Variants in STEAP1 observed in about 807,000 individuals in gnomAD.
STEAP1 encodes the protein STEAP1 protein.
A neutral mutation model predicts 34.4 loss-of-function variants in STEAP1; 30 were observed. That is an observed-to-expected ratio of 0.87 (90% CI 0.65 to 1.18). The LOEUF (loss-of-function observed/expected upper bound fraction) is 1.18. Ranked by LOEUF, STEAP1 falls within the 50% of genes most tolerant of loss-of-function variation. The pLI, the probability that STEAP1 is intolerant of heterozygous loss-of-function variation, is 0.00. For missense variants in STEAP1, 318 were observed against 391.1 expected, an observed-to-expected ratio of 0.81 and a Z score of 1.58; for synonymous variants, 116 against 135.3, an observed-to-expected ratio of 0.86 and a Z score of 0.99.
intron 1 of STEAP1, among the ~76,000 whole-genome samples, chr7:90,156,027 C>T (rs1468640892): frequency 6.6e-6 from 1 of 152,194 alleles, no homozygotes; most frequent in Non-Finnish European, 1.5e-5. Flanking sequence ...TCTCCTAGAC[C>T]TCAAGGTTTT....
At chr7:90,162,304 TTTTTTTTGTTTGTTTG>T in intron 4 of STEAP1, 4 of 677,112 alleles carry the variant, frequency 5.9e-6, no homozygotes, top group Non-Finnish European at 6.2e-6. Flanking sequence ...TCTTTGTTTT[TTTTTTTTGTTTGTTTG>T]TTTTTTGTTT....
intron 3 of STEAP1, 51 bp downstream of exon 3, chr7:90,161,368 A>G: frequency 6.5e-7 from 1 of 1,537,830 alleles, no homozygotes; most frequent in African/African-American, 1.4e-5. Flanking sequence ...AAGTCACCTA[A>G]CAAATTAATC....
At position 90,162,074 on chromosome 7, in the gene STEAP1, T is replaced by C. The variant is rs756673217; in HGVS notation, c.758T>C (p.Ile253Thr). 8 of 1,599,544 alleles carry C rather than the reference T, an allele frequency of 5.0e-6. No homozygotes were observed. The East Asian group carries it at 1.1e-4, about 22-fold the overall frequency. Residue 253 changes from isoleucine to threonine, a missense_variant, in exon 4 of 5, where the codon ATT (isoleucine) becomes ACT (threonine). Physicochemically the swap from Ile to Thr is moderately conservative, Grantham distance 89. Transcript: ENST00000297205. ...DSLTWREFHY[I>T]QSKLGIVSLL... ...TTGACATGGAGAGAATTTCACTATA[T>C]TCAGGTAAATAATATATAAAATAAC...
At chr7:90,154,689 C>G (rs1205796221) in intron 1 of STEAP1, 146 bp downstream of exon 1, 1 of 152,386 alleles carries the variant, frequency 6.6e-6, no homozygotes, top group African/African-American at 2.4e-5. Flanking sequence ...CCCTCCTGGG[C>G]GAGCGCTGCT....
At chr7:90,164,349 G>A in intron 4 of STEAP1, 128 bp from the exon 5 acceptor site, 1 of 1,155,860 alleles carries the variant, frequency 8.7e-7, no homozygotes, top group Non-Finnish European at 1.2e-6. Context: ...AATGGACATT[G>A]TTGAGAAATG....
chr7:90,158,606 G>A (rs1262475441), intron 1 of STEAP1, among the ~76,000 whole-genome samples: 2 of 152,146 alleles, frequency 1.3e-5, no homozygotes, highest in Non-Finnish European at 2.9e-5. Context: ...GCATGGAGCT[G>A]CCATCTTCTA....
At chr7:90,155,267 A>G (rs541421422) in intron 1 of STEAP1, among the ~76,000 whole-genome samples, 160 of 152,346 alleles carry the variant, frequency 1.1e-3, no homozygotes, top group African/African-American at 3.5e-3. Context: ...GTGAAAAAAA[A>G]AAACAAAAAA....
At chr7:90,156,361 G>A (rs1317175955) in intron 1 of STEAP1, among the ~76,000 whole-genome samples, 1 of 152,132 alleles carries the variant, frequency 6.6e-6, no homozygotes, top group East Asian at 1.9e-4. Flanking sequence ...GGGTCTGGTG[G>A]GAGGTGATTG....
Position 90,159,845 on chromosome 7 carries a change from G to T in STEAP1, c.57G>T (p.Arg19Ser). The T allele has an allele frequency of 6.4e-7, 1 of 1,557,620 alleles. No individual in the cohort carries two copies. The highest frequency in any genetic ancestry group is 8.7e-7 in the Non-Finnish European group (1 of 1,154,112). ...NQEELWKMKP[R>S]RNLEEDDYLH... ...AAGAACTTTGGAAAATGAAGCCTAG[G>T]AGAAATTTAGAAGAAGACGATTATT... Residue 19 changes from arginine to serine, a missense_variant, in exon 2 of 5, where the codon AGG becomes AGT. Coordinates refer to ENST00000297205, the MANE Select transcript of STEAP1 (RefSeq NM_012449.3).
At position 90,161,016 on chromosome 7, in the gene STEAP1, C is replaced by G; in HGVS notation, c.296C>G (p.Ala99Gly). The G allele has an allele frequency of 1.2e-5, 19 of 1,613,988 alleles. No homozygotes were observed. The highest frequency in any genetic ancestry group is 1.4e-5 in the Non-Finnish European group (17 of 1,179,858). ...CTGAGGGAAGTAATTCACCCTTTAG[C>G]AACTTCCCATCAACAATATTTTTAT... ...TLLREVIHPL[A>G]TSHQQYFYKI... is the part of the protein sequence containing the mutation. The change falls in exon 3 of 5, where the codon GCA (alanine) becomes GGA (glycine). Residue 99 changes from alanine to glycine, a missense_variant. Coordinates refer to ENST00000297205, the MANE Select transcript of STEAP1 (RefSeq NM_012449.3).
At chr7:90,156,287 T>A (rs1207750397) in intron 1 of STEAP1, among the ~76,000 whole-genome samples, 1 of 152,118 alleles carries the variant, frequency 6.6e-6, no homozygotes, top group Non-Finnish European at 1.5e-5. Context: ...GTTGGTGATA[T>A]GGTTTGGAGC....
chr7:90,154,779 G>A (rs539789213), intron 1 of STEAP1, among the ~76,000 whole-genome samples: 1 of 152,360 alleles, frequency 6.6e-6, no homozygotes, highest in Non-Finnish European at 1.5e-5. Context: ...GGGTTGGGGA[G>A]AGCCAGGGAC....
At chr7:90,160,527 T>C (rs1794168732) in intron 2 of STEAP1, among the ~76,000 whole-genome samples, 1 of 150,524 alleles carries the variant, frequency 6.6e-6, no homozygotes, top group Admixed American at 6.6e-5. Flanking sequence ...ATTACAAGCA[T>C]ATACTTTATA....
chr7:90,156,400 A>G (rs1262793738), intron 1 of STEAP1, among the ~76,000 whole-genome samples: 1 of 152,112 alleles, frequency 6.6e-6, no homozygotes, highest in Non-Finnish European at 1.5e-5. Context: ...TCATGGTTTA[A>G]CACCATCCCC....
intron 4 of STEAP1, 46 bp from the exon 5 acceptor site, chr7:90,164,431 A>C (rs1423346806): frequency 1.3e-6 from 2 of 1,555,688 alleles, no homozygotes; most frequent in Non-Finnish European, 1.7e-6. Context: ...GGATGGGATA[A>C]ACTCTTATTG....
chr7:90,164,712 C>T lies in STEAP1; in HGVS notation c.998C>T (p.Thr333Ile), dbSNP rs755317037. The change falls in exon 5 of 5, where the codon ACT becomes ATT. Residue 333 changes from threonine to isoleucine, a missense_variant. Thr to Ile is a moderately conservative substitution (Grantham distance 89). Transcript: ENST00000297205. Reference sequence around the variant, plus strand: ...GAAGACGTCACCAAAATTAACAAAACTGAGATATGTTCCCAGTTGTAGAAT... The same window carrying T: ...GAAGACGTCACCAAAATTAACAAAATTGAGATATGTTCCCAGTTGTAGAAT... Reference protein sequence around the residue: ...GWEDVTKINKTEICSQL With the variant: ...GWEDVTKINKIEICSQL 1 of 1,612,536 alleles carries T rather than the reference C, an allele frequency of 6.2e-7. No homozygotes were observed.
Position 90,164,674 on chromosome 7 carries a change from T to C in STEAP1, c.960T>C (p.Ile320=). The change falls in exon 5 of 5, where the codon ATT becomes ATC. Residue 320 remains isoleucine (I), a synonymous_variant. Coordinates refer to ENST00000297205, the MANE Select transcript of STEAP1 (RefSeq NM_012449.3). ...LPCLRKKILK[I]RHGWEDVTKI... ...GCTTGAGGAAGAAGATACTGAAGATTAGACATGGTTGGGAAGACGTCACCA... is the reference window on the plus strand; with the variant it reads ...GCTTGAGGAAGAAGATACTGAAGATCAGACATGGTTGGGAAGACGTCACCA... The C allele has an allele frequency of 1.2e-6, 2 of 1,613,634 alleles. No homozygotes were observed. The highest frequency in any genetic ancestry group is 1.7e-6 in the Non-Finnish European group (2 of 1,179,784).
chr7:90,161,408 C>G, intron 3 of STEAP1, 91 bp downstream of exon 3: 3 of 1,377,004 alleles, frequency 2.2e-6, no homozygotes, highest in East Asian at 4.9e-5. Context: ...ATACCCCAAC[C>G]CTGTTGAAAC....
intron 1 of STEAP1, among the ~76,000 whole-genome samples, chr7:90,159,196 C>T (rs561434262): frequency 1.6e-4 from 25 of 152,264 alleles, no homozygotes; most frequent in Admixed American, 1.3e-3. Flanking sequence ...ATCATTAATT[C>T]GGCACAACTC....
Sources: gnomAD v4.1 joint callset for allele counts (sites outside exome capture counted in the v4.1 genomes callset) on GRCh38, gnomAD v4.1.1 for gene constraint, MANE v1.5 for transcripts, NCBI Gene and HGNC (gene_info 2026-07-23, HGNC 2026-07-21) for gene names.